Variants in PRUNE2 observed in about 807,000 individuals in gnomAD.
PRUNE2 encodes the protein protein prune homolog 2.
In PRUNE2, 164 loss-of-function variants were observed where a neutral mutation model predicts 252.0. The ratio of observed to expected loss-of-function variants is 0.65; its 90% CI spans 0.57 to 0.74. PRUNE2 has a LOEUF of 0.74. Among genes scored for constraint, PRUNE2 ranks in the 30% least tolerant of loss-of-function variants. The pLI is 0.00. For synonymous variants in PRUNE2, 1,292 were observed against 1,350.2 expected (o/e 0.96, Z 0.94); for missense variants, 3,495 against 3,711.0 (o/e 0.94, Z 1.51).
intron 6 of PRUNE2, among the ~76,000 whole-genome samples, chr9:76,728,055 A>G (rs1304643682): frequency 1.3e-5 from 2 of 152,114 alleles, no homozygotes; most frequent in African/African-American, 4.8e-5. Context: ...TCTTATATTT[A>G]GGATTCCTGA....
At chr9:76,813,364 A>G (rs116663086) in intron 6 of PRUNE2, among the ~76,000 whole-genome samples, 54 of 152,282 alleles carry the variant, frequency 3.5e-4, no homozygotes, top group African/African-American at 1.2e-3. Context: ...TAAAATATCT[A>G]CTATCTGGCC....
Position 76,613,650 on chromosome 9 carries a change from A to G in PRUNE2, c.*920T>C, listed in dbSNP as rs1389779105. The G allele has an allele frequency of 6.6e-6, 1 of 152,240 alleles. No homozygotes were observed. The highest frequency in any genetic ancestry group is 1.5e-5 in the Non-Finnish European group (1 of 68,048). The allele number at this position is 152,240 out of a possible 1,614,324, so 9.4% of individuals were successfully genotyped here. On this transcript the variant is annotated 3_prime_UTR_variant, in exon 19 of 19. Transcript: ENST00000376718. Reference sequence around the variant, plus strand: ...AAGGAAATATTTTGTACATGAAAGTAATACTCATATTTAATTTTAAGCCTA... The same window carrying G: ...AAGGAAATATTTTGTACATGAAAGTGATACTCATATTTAATTTTAAGCCTA...
At chr9:76,658,284 G>A (rs996697452) in intron 9 of PRUNE2, among the ~76,000 whole-genome samples, 1 of 152,134 alleles carries the variant, frequency 6.6e-6, no homozygotes, top group Admixed American at 6.5e-5. Context: ...CTTAAACCTG[G>A]GAGGCAGAGG....
At chr9:76,852,389 A>G (rs1249917106) in intron 2 of PRUNE2, among the ~76,000 whole-genome samples, 1 of 152,268 alleles carries the variant, frequency 6.6e-6, no homozygotes, top group African/African-American at 2.4e-5. Flanking sequence ...CTCTCCTGGC[A>G]GGACCTGTTC....
At chr9:76,716,123 T>C (rs758377614) in intron 6 of PRUNE2, among the ~76,000 whole-genome samples, 43 of 152,324 alleles carry the variant, frequency 2.8e-4, no homozygotes, top group Admixed American at 5.2e-4. Context: ...AGGTTTTATT[T>C]GTATCTGAGC....
At chr9:76,651,346 G>C (rs1847317569) in intron 11 of PRUNE2, among the ~76,000 whole-genome samples, 1 of 152,186 alleles carries the variant, frequency 6.6e-6, no homozygotes, top group African/African-American at 2.4e-5. Context: ...TCGGCTCAAT[G>C]ACCATTGGTT....
chr9:76,709,399 C>G lies in PRUNE2; in HGVS notation c.2875G>C (p.Val959Leu). The change falls in exon 8 of 19, where the codon GTG (valine) becomes CTG (leucine). Residue 959 changes from valine (V) to leucine (L), a missense_variant. Transcript: ENST00000376718. ...TAATTGGTATCTAAGGGGGAAGGCA[C>G]CGAATCTTCTCCTAGGTTGGATGCA... The part of the protein sequence containing the change: ...YSASNLGEDS[V>L]PSPLDTNYST... 1 of 1,613,992 alleles carries G rather than the reference C, an allele frequency of 6.2e-7. No individual in the cohort carries two copies. Among genetic ancestry groups the G allele is most frequent in the Non-Finnish European group, 8.5e-7 (1 of 1,179,882 alleles).
intron 1 of PRUNE2, among the ~76,000 whole-genome samples, chr9:76,866,962 C>T (rs1386486757): frequency 6.6e-6 from 1 of 152,164 alleles, no homozygotes; most frequent in African/African-American, 2.4e-5. Flanking sequence ...GTCATGTCTT[C>T]GGTTTCAATC....
intron 6 of PRUNE2, among the ~76,000 whole-genome samples, chr9:76,746,434 G>A (rs2050109735): frequency 2.0e-5 from 3 of 152,098 alleles, no homozygotes; most frequent in East Asian, 1.9e-4. Context: ...GGCCGGGCGC[G>A]GTGGCTCACG....
chr9:76,771,399 A>C (rs1362258089), intron 6 of PRUNE2, among the ~76,000 whole-genome samples: 1 of 152,216 alleles, frequency 6.6e-6, no homozygotes, highest in African/African-American at 2.4e-5. Context: ...TCATGCACTT[A>C]ATAAGTCCTA....
Position 76,709,626 on chromosome 9 carries a change from C to A in PRUNE2, c.2648G>T (p.Ser883Ile), listed in dbSNP as rs202178449. The A allele has an allele frequency of 1.5e-4, 241 of 1,614,006 alleles. No homozygotes were observed. In the African/African-American group the frequency reaches 2.9e-3, roughly 19 times the overall value. The change falls in exon 8 of 19, where the codon AGT becomes ATT. Residue 883 changes from serine to isoleucine, a missense_variant. Physicochemically the swap from Ser to Ile is moderately radical, Grantham distance 142. Transcript: ENST00000376718. ...AGTCCATGTGTGATCCAGATCAGAACTGGGATTTCCAGGTGCAAAGATGTG... is the reference window on the plus strand; with the variant it reads ...AGTCCATGTGTGATCCAGATCAGAAATGGGATTTCCAGGTGCAAAGATGTG... ...RDHIFAPGNPSSDLDHTWTNS... is the reference protein window; with the variant it reads ...RDHIFAPGNPISDLDHTWTNS...
intron 1 of PRUNE2, among the ~76,000 whole-genome samples, chr9:76,891,643 A>G (rs1445521316): frequency 6.6e-6 from 1 of 152,242 alleles, no homozygotes; most frequent in African/African-American, 2.4e-5. Flanking sequence ...CCTCTCAGAA[A>G]AGTGCCCTGT....
At chr9:76,899,927 T>G (rs2063071439) in intron 1 of PRUNE2, among the ~76,000 whole-genome samples, 1 of 152,124 alleles carries the variant, frequency 6.6e-6, no homozygotes, top group South Asian at 2.1e-4. Context: ...GTGTGTCCAT[T>G]CTCCTAAGAA....
intron 6 of PRUNE2, among the ~76,000 whole-genome samples, chr9:76,753,181 T>C (rs1192460320): frequency 1.3e-5 from 2 of 151,994 alleles, no homozygotes; most frequent in Non-Finnish European, 2.9e-5. Context: ...AGGCAAGAGC[T>C]ACCATGCCTG....
chr9:76,760,894 T>C (rs1300590907), intron 6 of PRUNE2, among the ~76,000 whole-genome samples: 2 of 152,098 alleles, frequency 1.3e-5, no homozygotes, highest in Admixed American at 1.3e-4. Flanking sequence ...GAGACCAGCC[T>C]GGCCAACACT....
At chr9:76,870,454 G>A (rs2061122751) in intron 1 of PRUNE2, among the ~76,000 whole-genome samples, 1 of 151,996 alleles carries the variant, frequency 6.6e-6, no homozygotes, top group Admixed American at 6.5e-5. Context: ...GGGAGGCCGA[G>A]GTGGGTGGAT....
chr9:76,801,817 GAC>G (rs780747782), intron 6 of PRUNE2, among the ~76,000 whole-genome samples: 16 of 152,296 alleles, frequency 1.1e-4, no homozygotes, highest in Non-Finnish European at 2.2e-4. Flanking sequence ...GCTGCGTACA[GAC>G]AATGTTCAGA....
chr9:76,644,762 T>C lies in PRUNE2; in HGVS notation c.8705A>G (p.Tyr2902Cys), dbSNP rs1391550339. The change falls in exon 12 of 19, where the codon TAC (tyrosine) becomes TGC (cysteine). Residue 2902 changes from tyrosine (Y) to cysteine (C), a missense_variant. By Grantham distance (194) the Tyr-to-Cys change is radical. Transcript: ENST00000376718. The part of the protein sequence containing the change: ...QRIDMKVIEP[Y>C]RRVISHGGYY... ...ACCTCCGTGAGAAATGACTCTCCTG[T>C]AGGGCTCGATGACCTTCATGTCAAT... 1 of 1,613,932 alleles carries C rather than the reference T, an allele frequency of 6.2e-7. No individual in the cohort carries two copies. The highest frequency in any genetic ancestry group is 8.5e-7 in the Non-Finnish European group (1 of 1,179,844).
chr9:76,800,213 G>A (rs1249942982), intron 6 of PRUNE2, among the ~76,000 whole-genome samples: 18 of 132,302 alleles, frequency 1.4e-4, no homozygotes, highest in East Asian at 2.6e-4. Context: ...CCCCCACCCC[G>A]CGACAGGCCC....
Sources: allele counts gnomAD v4.1 joint callset (sites outside exome capture counted in the v4.1 genomes callset), GRCh38; gene constraint gnomAD v4.1.1; transcripts MANE v1.5; gene names NCBI Gene and HGNC (gene_info 2026-07-23, HGNC 2026-07-21).